AKR1C3: variants seen among roughly 807,000 people sequenced by gnomAD.
The protein encoded by AKR1C3 is aldo-keto reductase family 1 member C3.
In AKR1C3, 48 loss-of-function variants were observed where a neutral mutation model predicts 43.6. The observed-to-expected ratio is 1.10, with a 90% confidence interval of 0.87 to 1.40. The LOEUF is 1.40. Among genes scored for constraint, AKR1C3 ranks in the 40% most tolerant of loss-of-function variants. AKR1C3 has a pLI of 0.00. For synonymous variants in AKR1C3, 162 were observed against 139.6 expected (o/e 1.16, Z -1.13); for missense variants, 482 against 391.2 (o/e 1.23, Z -1.96).
chr10:5,103,991 C>T (rs1342171024), intron 7 of AKR1C3, among the ~76,000 whole-genome samples: 2 of 151,836 alleles, frequency 1.3e-5, no homozygotes, highest in African/African-American at 4.8e-5. Flanking sequence ...CACATACATA[C>T]ATATATATAT....
chr10:5,066,358 G>A (rs1838501477), intron 1 of AKR1C3, among the ~76,000 whole-genome samples: 1 of 152,124 alleles, frequency 6.6e-6, no homozygotes, highest in South Asian at 2.1e-4. Flanking sequence ...ACTTAGGTGA[G>A]AATGTGACCA....
At position 5,107,663 on chromosome 10, in the gene AKR1C3, T is replaced by A; in HGVS notation, c.*160T>A. On this transcript the variant is annotated 3_prime_UTR_variant, in exon 9 of 9. Transcript: ENST00000380554. ...CTGAGTCCATAGGCCAGAAAGACAA[T>A]AAATTTTTATCATTTTGAAATAATT... 1 of 571,198 alleles carries A rather than the reference T, an allele frequency of 1.8e-6. No individual in the cohort carries two copies. Among genetic ancestry groups the A allele is most frequent in the Admixed American group, 3.6e-5 (1 of 27,460 alleles). 35.4% of individuals were successfully genotyped at this position (571,198 alleles called of 1,614,324 possible). A position where few individuals can be genotyped will look rare whatever the true frequency, so the allele number is the denominator to read the frequency against.
intron 1 of AKR1C3, among the ~76,000 whole-genome samples, chr10:5,063,797 G>C (rs1468596457): frequency 2.0e-5 from 1 of 49,750 alleles, no homozygotes; most frequent in Non-Finnish European, 5.1e-5. Context: ...AAAGGAAAAT[G>C]GCACAAGTAA....
intron 1 of AKR1C3, among the ~76,000 whole-genome samples, chr10:5,079,318 ATG>A (rs1322520691): frequency 6.6e-6 from 1 of 152,140 alleles, no homozygotes; most frequent in African/African-American, 2.4e-5. Context: ...GCCACTCAAA[ATG>A]TACTTTTTTG....
At chr10:5,103,504 C>G (rs185717109) in intron 7 of AKR1C3, among the ~76,000 whole-genome samples, 1 of 152,282 alleles carries the variant, frequency 6.6e-6, no homozygotes, top group East Asian at 1.9e-4. Flanking sequence ...TGGCCTCAGC[C>G]TGAACTTAGT....
At chr10:5,099,268 A>G in intron 4 of AKR1C3, 59 bp from the exon 5 acceptor site, 5 of 1,611,264 alleles carry the variant, frequency 3.1e-6, no homozygotes, top group Non-Finnish European at 4.2e-6. Context: ...TCTGTCTTGC[A>G]TTTACCGTGA....
intron 1 of AKR1C3, among the ~76,000 whole-genome samples, chr10:5,073,405 G>A (rs2131806944): frequency 6.6e-6 from 1 of 152,326 alleles, no homozygotes; most frequent in African/African-American, 2.4e-5. Context: ...TTAGGTAAAA[G>A]ATTGAGATTG....
intron 1 of AKR1C3, chr10:5,080,787 T>A (rs1156918707): frequency 1.3e-5 from 2 of 152,268 alleles, no homozygotes; most frequent in African/African-American, 4.8e-5. Context: ...AGGAAGAGCC[T>A]CTGTATTGGA....
At chr10:5,084,442 GT>G (rs1168525480) in intron 1 of AKR1C3, among the ~76,000 whole-genome samples, 1 of 151,192 alleles carries the variant, frequency 6.6e-6, no homozygotes, top group Non-Finnish European at 1.5e-5. Flanking sequence ...CTATATCTCT[GT>G]TTTGGTACCA....
intron 1 of AKR1C3, among the ~76,000 whole-genome samples, chr10:5,059,929 G>GA (rs1303351096): frequency 6.6e-6 from 1 of 152,126 alleles, no homozygotes; most frequent in East Asian, 1.9e-4. Context: ...GTTCTTAAAG[G>GA]CAGCATGTCT....
At chr10:5,101,881 A>G (rs11252940) in intron 5 of AKR1C3, among the ~76,000 whole-genome samples, 1 of 151,902 alleles carries the variant, frequency 6.6e-6, no homozygotes, top group African/African-American at 2.4e-5. Flanking sequence ...CCAGGATCTG[A>G]TTCATAGATG....
At chr10:5,071,558 T>G (rs888141209) in intron 1 of AKR1C3, among the ~76,000 whole-genome samples, 3 of 152,330 alleles carry the variant, frequency 2.0e-5, no homozygotes, top group African/African-American at 7.2e-5. Context: ...TGAGTCTCTT[T>G]TGAAATAGGC....
intron 1 of AKR1C3, among the ~76,000 whole-genome samples, chr10:5,060,137 C>T (rs558072531): frequency 2.5e-4 from 38 of 152,240 alleles, no homozygotes; most frequent in African/African-American, 7.9e-4. Flanking sequence ...TGCAGACCTT[C>T]ATGGTGTTAC....
chr10:5,062,654 G>A (rs1838402941), intron 1 of AKR1C3, among the ~76,000 whole-genome samples: 1 of 152,016 alleles, frequency 6.6e-6, no homozygotes, highest in Admixed American at 6.6e-5. Flanking sequence ...CAAGAAAACA[G>A]TGACATTTTC....
At position 5,060,470 on chromosome 10, in the gene AKR1C3, G is replaced by A. The variant is rs899473800; in HGVS notation, c.84+11575G>A. Among the ~76,000 whole-genome samples the A allele has an allele frequency of 3.3e-5, 5 of 152,306 alleles. No individual in the cohort carries two copies. The East Asian group carries it at 9.7e-4, about 29-fold the overall frequency. On this transcript the variant is annotated intron_variant, in intron 1 of 8. Coordinates refer to the AKR1C3 transcript ENST00000439082. ...AGTTAGATACAGAGTGTCGATTGGTGCATTCACAAACCCTGAGTTAGACAC... is the reference window on the plus strand; with the variant it reads ...AGTTAGATACAGAGTGTCGATTGGTACATTCACAAACCCTGAGTTAGACAC...
intron 4 of AKR1C3, 118 bp from the exon 5 acceptor site, chr10:5,099,209 C>T (rs1357531255): frequency 3.3e-6 from 5 of 1,524,360 alleles, no homozygotes; most frequent in South Asian, 1.3e-5. Flanking sequence ...TTGACAATCA[C>T]TGCTAGCTAT....
intron 1 of AKR1C3, among the ~76,000 whole-genome samples, chr10:5,082,409 A>G (rs1554782452): frequency 1.3e-5 from 2 of 152,038 alleles, no homozygotes; most frequent in East Asian, 1.9e-4. Context: ...GCAATATGAC[A>G]TTGGCTGTTA....
chr10:5,065,162 T>C (rs566889171), intron 1 of AKR1C3, among the ~76,000 whole-genome samples: 1 of 152,216 alleles, frequency 6.6e-6, no homozygotes, highest in Non-Finnish European at 1.5e-5. Context: ...ACACTGCTGG[T>C]GTATTAGTTC....
chr10:5,077,903 C>G, intron 1 of AKR1C3: 1 of 625,094 alleles, frequency 1.6e-6, no homozygotes, highest in Admixed American at 2.9e-5. Context: ...TCATCAGAAT[C>G]ATCTCTTTTG....
Sources: gnomAD v4.1 joint callset for allele counts (sites outside exome capture counted in the v4.1 genomes callset) on GRCh38, gnomAD v4.1.1 for gene constraint, MANE v1.5 for transcripts, NCBI Gene and HGNC (gene_info 2026-07-23, HGNC 2026-07-21) for gene names.